OR6B1: variants seen among roughly 807,000 people sequenced by gnomAD.
OR6B1 encodes olfactory receptor family 6 subfamily B member 1.
OR6B1 carries 15 observed loss-of-function variants against 15.4 expected under a neutral mutation model. The observed-to-expected ratio is 0.97, with a 90% CI of 0.65 to 1.50. The LOEUF (loss-of-function observed/expected upper bound fraction) is 1.50. OR6B1 is among the 40% of genes most tolerant of loss of function. The probability of loss-of-function intolerance (pLI) is 0.00; values close to 1 mark genes in which losing one functional copy is unlikely to be tolerated. For missense variants in OR6B1, 384 were observed against 385.0 expected, an observed-to-expected ratio of 1.00 and a Z score of 0.02; for synonymous variants, 139 against 144.9, an observed-to-expected ratio of 0.96 and a Z score of 0.29.
chr7:144,004,447 A>G lies in OR6B1; in HGVS notation c.451A>G (p.Ile151Val), dbSNP rs202046568. 1,289 of 1,614,104 alleles carry G rather than the reference A, an allele frequency of 8.0e-4. 2 individuals carry two copies. The highest frequency in any genetic ancestry group is 9.7e-4 in the Non-Finnish European group (1,150 of 1,180,014). The change falls in exon 2 of 2, where the codon ATT (isoleucine) becomes GTT (valine). Residue 151 changes from isoleucine (I) to valine (V), a missense_variant. By Grantham distance (29) the Ile-to-Val change is conservative (BLOSUM62 3). Coordinates refer to ENST00000641698, the MANE Select transcript of OR6B1 (RefSeq NM_001005281.3). ...CCGCCTCGCTCTTGGTTCCTGGGCC[A>G]TTGGCTTTGGCATCTCCCTGGCGAA... ...CFRLALGSWA[I>V]GFGISLAKIY...
Position 144,005,448 on chromosome 7 carries a change from G to A in OR6B1, c.*516G>A. On this transcript the variant is annotated 3_prime_UTR_variant, in exon 2 of 2. Coordinates refer to ENST00000641698, the MANE Select transcript of OR6B1 (RefSeq NM_001005281.3). The stretch of plus-strand genomic sequence containing the variant: ...ACTAACCTGTATTAAATCCCTTTCT[G>A]CTTAAACTAGTTAGAGTGCTTTCTT... 6.5e-6 allele frequency: 1 copy of A among 153,152 alleles called. No homozygotes were observed. Among genetic ancestry groups the A allele is most frequent in the East Asian group, 1.9e-4 (1 of 5,204 alleles). 9.5% of individuals were successfully genotyped at this position (153,152 alleles called of 1,614,324 possible).
chr7:144,004,030 T>A lies in OR6B1; in HGVS notation c.34T>A (p.Phe12Ile). 6.2e-7 allele frequency: 1 copy of A among 1,613,620 alleles called. No individual in the cohort carries two copies. The highest frequency in any genetic ancestry group is 8.5e-7 in the Non-Finnish European group (1 of 1,179,772). The change falls in exon 2 of 2, where the codon TTC becomes ATC. Residue 12 changes from phenylalanine to isoleucine, a missense_variant. Phe to Ile is a conservative substitution (Grantham distance 21). Transcript: ENST00000641698. ...ELENQTRVTK[F>I]ILVGFPGSLS... is the part of the protein sequence containing the mutation. ...GGAGAACCAGACACGAGTCACCAAG[T>A]TCATTCTGGTGGGATTCCCTGGGAG...
chr7:144,001,096 A>T (rs891260864), intron 1 of OR6B1, among the ~76,000 whole-genome samples: 3 of 152,200 alleles, frequency 2.0e-5, no homozygotes, highest in African/African-American at 7.2e-5. Context: ...TATGTATAGA[A>T]CCCTGACAAA....
chr7:144,004,543 C>G lies in OR6B1; in HGVS notation c.547C>G (p.Pro183Ala). The G allele has an allele frequency of 6.2e-7, 1 of 1,614,208 alleles. No homozygotes were observed. Among genetic ancestry groups the G allele is most frequent in the South Asian group, 1.1e-5 (1 of 91,078 alleles). The change falls in exon 2 of 2, where the codon CCA becomes GCA. Residue 183 changes from proline (P) to alanine (A), a missense_variant. Coordinates refer to ENST00000641698, the MANE Select transcript of OR6B1 (RefSeq NM_001005281.3). ...CAACCACTTCTTCTGTGACATCTCT[C>G]CAGTACTTAATCTCTCCTGCACAGA... ...VINHFFCDIS[P>A]VLNLSCTDMS... is the part of the protein sequence containing the mutation.
At chr7:144,003,364 G>A (rs1377297249) in intron 1 of OR6B1, among the ~76,000 whole-genome samples, 1 of 152,186 alleles carries the variant, frequency 6.6e-6, no homozygotes, top group African/African-American at 2.4e-5. Flanking sequence ...GAGAGGGTAA[G>A]ATTTCAAGGT....
rs1400090577 is a variant in OR6B1 at position 144,004,048 on chromosome 7, C to T, written c.52C>T (p.Pro18Ser). The change falls in exon 2 of 2, where the codon CCT (proline) becomes TCT (serine). Residue 18 changes from proline to serine, a missense_variant. By Grantham distance (74) the Pro-to-Ser change is moderately conservative. Coordinates refer to ENST00000641698, the MANE Select transcript of OR6B1 (RefSeq NM_001005281.3). ...RVTKFILVGF[P>S]GSLSMRAAMF... ...CACCAAGTTCATTCTGGTGGGATTCCCTGGGAGCTTGAGTATGCGGGCAGC... is the reference window on the plus strand; with the variant it reads ...CACCAAGTTCATTCTGGTGGGATTCTCTGGGAGCTTGAGTATGCGGGCAGC... 6 of 1,613,828 alleles carry T rather than the reference C, an allele frequency of 3.7e-6. No homozygotes were observed. In the Admixed American group the frequency reaches 8.3e-5, roughly 22 times the overall value.
intron 1 of OR6B1, among the ~76,000 whole-genome samples, chr7:144,002,855 A>G (rs1014859645): frequency 1.3e-5 from 2 of 151,914 alleles, no homozygotes; most frequent in Non-Finnish European, 2.9e-5. Context: ...CATGGCAATC[A>G]TATCTCCTTC....
chr7:144,005,163 A>C lies in OR6B1; in HGVS notation c.*231A>C. The C allele has an allele frequency of 4.4e-6, 2 of 459,612 alleles. No individual in the cohort carries two copies. The highest frequency in any genetic ancestry group is 7.2e-5 in the East Asian group (2 of 27,814). 28.5% of individuals were successfully genotyped at this position (459,612 alleles called of 1,614,324 possible). A position where few individuals can be genotyped will look rare whatever the true frequency, so the allele number is the denominator to read the frequency against. On this transcript the variant is annotated 3_prime_UTR_variant, in exon 2 of 2. Transcript: ENST00000641698. ...CAGTTCTCAATGGTTGTGACCCCAA[A>C]TGGGGTTTCTAAGACTGTGAGTAAA...
At position 144,006,088 on chromosome 7, in the gene OR6B1, A is replaced by C. The variant is rs1043992811; in HGVS notation, c.*1156A>C. 2 of 152,240 alleles carry C rather than the reference A, an allele frequency of 1.3e-5. No homozygotes were observed. The highest frequency in any genetic ancestry group is 1.3e-4 in the Admixed American group (2 of 15,280). 9.4% of individuals were successfully genotyped at this position (152,240 alleles called of 1,614,324 possible). A position where few individuals can be genotyped will look rare whatever the true frequency, so the allele number is the denominator to read the frequency against. ...TAATAACATCTTTTAGCTAAGAACA[A>C]ACCACACTTTCAAGAATGCTTTCTC... On this transcript the variant is annotated 3_prime_UTR_variant, in exon 2 of 2. Coordinates refer to ENST00000641698, the MANE Select transcript of OR6B1 (RefSeq NM_001005281.3).
chr7:144,003,084 C>T (rs1192248466), intron 1 of OR6B1, among the ~76,000 whole-genome samples: 2 of 152,252 alleles, frequency 1.3e-5, no homozygotes, highest in East Asian at 1.9e-4. Flanking sequence ...TCCCCATTTT[C>T]ACTCTCAAGA....
chr7:144,004,327 G>T lies in OR6B1; in HGVS notation c.331G>T (p.Glu111Ter). The T allele has an allele frequency of 6.2e-7, 1 of 1,614,172 alleles. No homozygotes were observed. The change falls in exon 2 of 2, where the codon GAA becomes TAA. Residue 111 changes from glutamate to a stop codon, truncating the protein, a stop_gained. Transcript: ENST00000641698. LOFTEE classifies it high-confidence loss of function. ...LYFFIALMCT[E>*]CVLLAAMAYD... is the part of the protein sequence containing the mutation. ...CTTCTTCATTGCTCTCATGTGCACA[G>T]AATGTGTGCTTCTGGCCGCCATGGC...
intron 1 of OR6B1, among the ~76,000 whole-genome samples, chr7:144,002,748 A>G (rs1329999394): frequency 6.6e-6 from 1 of 151,992 alleles, no homozygotes; most frequent in Non-Finnish European, 1.5e-5. Context: ...CTTTTAGACC[A>G]CTGTTCAGAT....
Position 144,004,367 on chromosome 7 carries a change from T to A in OR6B1, c.371T>A (p.Val124Glu), listed in dbSNP as rs2050606995. ...LLAAMAYDRY[V>E]AICRPLHYPT... ...GCCGCCATGGCCTATGACCGGTATG[T>A]GGCCATCTGTCGCCCACTCCACTAC... The change falls in exon 2 of 2, where the codon GTG (valine) becomes GAG (glutamate). Residue 124 changes from valine to glutamate, a missense_variant. Physicochemically the swap from Val to Glu is moderately radical, Grantham distance 121. Coordinates refer to ENST00000641698, the MANE Select transcript of OR6B1 (RefSeq NM_001005281.3). 1 of 1,614,114 alleles carries A rather than the reference T, an allele frequency of 6.2e-7. No homozygotes were observed. The highest frequency in any genetic ancestry group is 1.1e-5 in the South Asian group (1 of 91,088).
Position 144,006,512 on chromosome 7 carries a change from T to G in OR6B1, c.*1580T>G, listed in dbSNP as rs1056692717. 1 of 152,210 alleles carries G rather than the reference T, an allele frequency of 6.6e-6. No homozygotes were observed. 9.4% of individuals were successfully genotyped at this position (152,210 alleles called of 1,614,324 possible). On this transcript the variant is annotated 3_prime_UTR_variant, in exon 2 of 2. Coordinates refer to ENST00000641698, the MANE Select transcript of OR6B1 (RefSeq NM_001005281.3). ...GAACAATGCTTAAAATGGAAAGGAT[T>G]TAATGTTTGCTTCTGGAATGTAGTT...
chr7:144,007,987 T>C lies in OR6B1; in HGVS notation c.*3055T>C, dbSNP rs1199088472. ...AGTTCTGCATCCACAAGCCAAGAAA[T>C]ACCTTGGGCCACCAGAAGCTGGAAG... On this transcript the variant is annotated 3_prime_UTR_variant, in exon 2 of 2. Coordinates refer to ENST00000641698, the MANE Select transcript of OR6B1 (RefSeq NM_001005281.3). The C allele has an allele frequency of 1.3e-5, 2 of 152,018 alleles. No homozygotes were observed. Among genetic ancestry groups the C allele is most frequent in the Non-Finnish European group, 2.9e-5 (2 of 68,014 alleles). 9.4% of individuals were successfully genotyped at this position (152,018 alleles called of 1,614,324 possible). A position where few individuals can be genotyped will look rare whatever the true frequency, so the allele number is the denominator to read the frequency against.
Position 144,004,006 on chromosome 7 carries a change from G to T in OR6B1, c.10G>T (p.Glu4Ter). MEL[E>*]NQTRVTKFIL... ...GCCCTGTGTCTCCAATATGGAGTTG[G>T]AGAACCAGACACGAGTCACCAAGTT... Residue 4 changes from glutamate (E) to a stop codon, truncating the protein, a stop_gained, in exon 2 of 2, where the codon GAG (glutamate) becomes TAG (stop). Transcript: ENST00000641698. LOFTEE classifies it high-confidence loss of function. 6.2e-7 allele frequency: 1 copy of T among 1,609,556 alleles called. No individual in the cohort carries two copies. Among genetic ancestry groups the T allele is most frequent in the Non-Finnish European group, 8.5e-7 (1 of 1,177,650 alleles).
intron 1 of OR6B1, 158 bp from the exon 2 acceptor site, chr7:144,003,814 T>C: frequency 2.0e-6 from 1 of 503,668 alleles, no homozygotes; most frequent in Non-Finnish European, 3.5e-6. Context: ...CACACACGGC[T>C]ATGTGGAAAT....
Position 144,004,683 on chromosome 7 carries a change from C to A in OR6B1, c.687C>A (p.Pro229=). The change falls in exon 2 of 2, where the codon CCC becomes CCA. Residue 229 remains proline, a synonymous_variant. Transcript: ENST00000641698. The part of the protein sequence containing the change: ...GCILATILCM[P]TGKQKAFSTC... ...TTCTGGCCACCATATTATGCATGCC[C>A]ACAGGAAAGCAGAAAGCGTTCTCCA... 6.2e-7 allele frequency: 1 copy of A among 1,614,210 alleles called. No individual in the cohort carries two copies. The highest frequency in any genetic ancestry group is 8.5e-7 in the Non-Finnish European group (1 of 1,180,012).
Position 144,004,581 on chromosome 7 carries a change from T to A in OR6B1, c.585T>A (p.Thr195=), listed in dbSNP as rs759360130. ...LNLSCTDMSI[T]ELVDFILALV... ...TCTCCTGCACAGACATGTCCATAAC[T>A]GAGTTGGTAGACTTTATCCTGGCAC... Residue 195 remains threonine (T), a synonymous_variant, in exon 2 of 2, where the codon ACT becomes ACA. Transcript: ENST00000641698. The A allele has an allele frequency of 3.1e-6, 5 of 1,613,788 alleles. No homozygotes were observed. In the African/African-American group the frequency reaches 6.7e-5, roughly 22 times the overall value.
Sources: gnomAD v4.1 joint callset for allele counts (sites outside exome capture counted in the v4.1 genomes callset) on GRCh38, gnomAD v4.1.1 for gene constraint, MANE v1.5 for transcripts, NCBI Gene and HGNC (gene_info 2026-07-23, HGNC 2026-07-21) for gene names.